The following NAA60 variants were observed in gnomAD, a reference collection of about 807,000 sequenced individuals.
NAA60 encodes N-alpha-acetyltransferase 60.
NAA60 carries 8 observed loss-of-function variants against 26.1 expected under a neutral mutation model. That is an observed-to-expected ratio of 0.31 (90% CI 0.18 to 0.55). The LOEUF (loss-of-function observed/expected upper bound fraction) is 0.55. Ranked by LOEUF, NAA60 falls within the 20% of genes least tolerant of loss-of-function variation. NAA60 has a pLI of 0.93. For synonymous variants in NAA60, 131 were observed against 122.5 expected (o/e 1.07, Z -0.46); for missense variants, 290 against 311.3 (o/e 0.93, Z 0.51).
At chr16:3,453,418 T>A (rs188236561) in intron 2 of NAA60, among the ~76,000 whole-genome samples, 1,961 of 132,322 alleles carry the variant, frequency 0.015, 36 homozygotes, top group African/African-American at 0.038. Flanking sequence ...TGAAAAAAAA[T>A]TTTTTTTTTT....
At chr16:3,464,265 G>A (rs141002424) in intron 2 of NAA60, among the ~76,000 whole-genome samples, 28 of 152,184 alleles carry the variant, frequency 1.8e-4, no homozygotes, top group African/African-American at 6.7e-4. Context: ...TGCCTGCCTC[G>A]GCCTCCCAAA....
intron 2 of NAA60, chr16:3,458,245 AG>A: frequency 2.3e-6 from 1 of 426,608 alleles, no homozygotes. Flanking sequence ...GGGGCGGGGT[AG>A]GCGGGGAGGC....
intron 2 of NAA60, among the ~76,000 whole-genome samples, chr16:3,475,492 A>C (rs2036423226): frequency 1.3e-5 from 2 of 151,584 alleles, no homozygotes; most frequent in Non-Finnish European, 2.9e-5. Context: ...TCCTCCCTCC[A>C]TTCCTCTCTT....
chr16:3,485,014 G>A lies in NAA60; in HGVS notation c.*159G>A, dbSNP rs770761725. ...TGCAGGCCCGGTGCTACACGGGCTCGGGAACAGAACATCGTGGGCATGCGC... is the reference window on the plus strand; with the variant it reads ...TGCAGGCCCGGTGCTACACGGGCTCAGGAACAGAACATCGTGGGCATGCGC... On this transcript the variant is annotated 3_prime_UTR_variant, in exon 7 of 8. Transcript: ENST00000407558. The A allele has an allele frequency of 9.5e-5, 144 of 1,522,860 alleles. 1 individual carries two copies. The highest frequency in any genetic ancestry group is 5.0e-4 in the South Asian group (42 of 83,234). The allele number at this position is 1,522,860 out of a possible 1,614,324, so 94.3% of individuals were successfully genotyped here. A position where few individuals can be genotyped will look rare whatever the true frequency, so the allele number is the denominator to read the frequency against.
At chr16:3,451,651 C>G (rs2034789214) in intron 2 of NAA60, among the ~76,000 whole-genome samples, 1 of 152,170 alleles carries the variant, frequency 6.6e-6, no homozygotes, top group African/African-American at 2.4e-5. Context: ...GGTGTGGTGG[C>G]TCACACCTGT....
At chr16:3,452,928 T>G (rs192436315) in intron 2 of NAA60, among the ~76,000 whole-genome samples, 35 of 152,000 alleles carry the variant, frequency 2.3e-4, no homozygotes, top group South Asian at 2.1e-4. Flanking sequence ...GCACTCCAAC[T>G]TGGGTGACAG....
intron 2 of NAA60, chr16:3,458,110 T>C: frequency 1.0e-6 from 1 of 985,182 alleles, no homozygotes; most frequent in Non-Finnish European, 1.2e-6. Flanking sequence ...CGGTCCCACT[T>C]CCCGGCTCCC....
In NAA60 at chr16:3,458,538, G is replaced by T. The variant is rs147772733; in HGVS notation, c.-7+9998G>T. 7.2e-5 allele frequency among the ~76,000 whole-genome samples: 11 copies of T among 152,308 alleles called. 1 individual carries two copies. The East Asian group carries it at 2.1e-3, about 29-fold the overall frequency. On this transcript the variant is annotated intron_variant, in intron 2 of 7. Transcript: ENST00000407558. The stretch of plus-strand genomic sequence containing the variant: ...GTGGTCCTCATGGGTACCCTGTGGG[G>T]TGTCGCGCGAGGTGAAGGGCCAGGC...
intron 6 of NAA60, 46 bp from the exon 7 acceptor site, chr16:3,484,653 C>T (rs776066687): frequency 7.7e-6 from 12 of 1,553,708 alleles, no homozygotes; most frequent in East Asian, 4.9e-5. Context: ...TGTGCCCTGG[C>T]GAGCGTGGTC....
At position 3,483,396 on chromosome 16, in the gene NAA60, T is replaced by C; in HGVS notation, c.371T>C (p.Ile124Thr). The change falls in exon 6 of 8, where the codon ATA becomes ACA. Residue 124 changes from isoleucine (I) to threonine (T), a missense_variant. Ile to Thr is a moderately conservative substitution (Grantham distance 89, BLOSUM62 -1). Transcript: ENST00000407558. Reference sequence around the variant, plus strand: ...TTACTTGAAAGTTTAAAGGATCACATATCAACCACCGCCCAGGACCACTGC... The same window carrying C: ...TTACTTGAAAGTTTAAAGGATCACACATCAACCACCGCCCAGGACCACTGC... ...SLLLESLKDHISTTAQDHCKA... is the reference protein window; with the variant it reads ...SLLLESLKDHTSTTAQDHCKA... 1 of 1,613,364 alleles carries C rather than the reference T, an allele frequency of 6.2e-7. No individual in the cohort carries two copies. The highest frequency in any genetic ancestry group is 2.2e-5 in the East Asian group (1 of 44,878).
chr16:3,444,051 G>A (rs1014994549), intron 1 of NAA60, among the ~76,000 whole-genome samples: 2 of 152,158 alleles, frequency 1.3e-5, no homozygotes, highest in African/African-American at 4.8e-5. Context: ...GACTCAAAGT[G>A]TTATAGAGGC....
At chr16:3,462,098 A>AAAAAAAAAAC (rs1156374301) in intron 2 of NAA60, among the ~76,000 whole-genome samples, 2 of 151,736 alleles carry the variant, frequency 1.3e-5, no homozygotes, top group Non-Finnish European at 2.9e-5. Context: ...AAAAAAAAAA[A>AAAAAAAAAAC]AAAAAAACCT....
chr16:3,454,116 G>A (rs1567364846), intron 2 of NAA60, among the ~76,000 whole-genome samples: 1 of 152,206 alleles, frequency 6.6e-6, no homozygotes, highest in Non-Finnish European at 1.5e-5. Context: ...GGACTTAAGA[G>A]AGGAAGGGCA....
At chr16:3,462,216 A>G (rs1276238111) in intron 2 of NAA60, among the ~76,000 whole-genome samples, 4 of 151,836 alleles carry the variant, frequency 2.6e-5, no homozygotes, top group Non-Finnish European at 4.4e-5. Flanking sequence ...CCAGCAAAGT[A>G]TTGACACTGG....
At position 3,449,334 on chromosome 16, in the gene NAA60, C is replaced by T. The variant is rs12596501; in HGVS notation, c.-7+794C>T. Among the ~76,000 whole-genome samples, 15 of 152,180 alleles carry T rather than the reference C, an allele frequency of 9.9e-5. No homozygotes were observed. In the East Asian group the frequency reaches 1.4e-3, roughly 14 times the overall value. The stretch of plus-strand genomic sequence containing the variant: ...GAGATCGAGACCATCCTGGCTAACA[C>T]GGTGAAACCCCATCTTTACTAAAAA... On this transcript the variant is annotated intron_variant, in intron 2 of 7. Transcript: ENST00000407558.
Position 3,464,511 on chromosome 16 carries a change from G to A in NAA60, c.-6-11711G>A, listed in dbSNP as rs115282508. On this transcript the variant is annotated intron_variant, in intron 2 of 7. Transcript: ENST00000407558. ...GGGCTTTCTCCTTTTAAACTGAGGAGCTGCTGTGTCCATCTCGCCCGCTGC... is the reference window on the plus strand; with the variant it reads ...GGGCTTTCTCCTTTTAAACTGAGGAACTGCTGTGTCCATCTCGCCCGCTGC... Among the ~76,000 whole-genome samples the A allele has an allele frequency of 2.5e-3, 375 of 152,286 alleles. 1 individual carries two copies. The highest frequency in any genetic ancestry group is 8.6e-3 in the African/African-American group (358 of 41,556).
intron 3 of NAA60, 52 bp downstream of exon 3, chr16:3,476,389 G>A (rs2036485246): frequency 1.3e-6 from 2 of 1,501,258 alleles, no homozygotes; most frequent in African/African-American, 1.4e-5. Context: ...CTCAGGTGCA[G>A]AAGCTGGGCG....
Position 3,476,337 on chromosome 16 carries a change from A to G in NAA60, c.110A>G (p.Glu37Gly). The G allele has an allele frequency of 1.2e-6, 2 of 1,612,808 alleles. No individual in the cohort carries two copies. The highest frequency in any genetic ancestry group is 1.7e-6 in the Non-Finnish European group (2 of 1,179,054). The change falls in exon 3 of 8, where the codon GAG (glutamate) becomes GGG (glycine). Residue 37 changes from glutamate (E) to glycine (G), a missense_variant and splice_region_variant. Coordinates refer to ENST00000407558, the MANE Select transcript of NAA60 (RefSeq NM_001083601.3). ...CTGTGTGGCGACTGGTTCCCCATCG[A>G]GTAAGTGGAGCGGATTGCAGGGTTG... ...KHLCGDWFPI[E>G]YPDSWYRDIT...
rs201536634 is a variant in NAA60, at chr16:3,485,573, CT to C, written c.*314del. Reference sequence around the variant, plus strand: ...GGCTGACCCAGTGTGGCTGCATTCACTGGGAGGGGCCTGCCCTCACTGGGCC... The same window carrying C: ...GGCTGACCCAGTGTGGCTGCATTCACGGGAGGGGCCTGCCCTCACTGGGCC... On this transcript the variant is annotated 3_prime_UTR_variant, in exon 8 of 8. Coordinates refer to ENST00000407558, the MANE Select transcript of NAA60 (RefSeq NM_001083601.3). 0.068 allele frequency: 30,954 copies of C among 454,992 alleles called. 1,249 individuals carry two copies. The highest frequency in any genetic ancestry group is 0.083 in the Admixed American group (3,521 of 42,472). 28.2% of individuals were successfully genotyped at this position (454,992 alleles called of 1,614,324 possible).
Sources: allele counts gnomAD v4.1 joint callset (sites outside exome capture counted in the v4.1 genomes callset), GRCh38; gene constraint gnomAD v4.1.1; transcripts MANE v1.5; gene names NCBI Gene and HGNC (gene_info 2026-07-23, HGNC 2026-07-21).